Variants in TRIQK observed in about 807,000 individuals in gnomAD.
TRIQK encodes triple QxxK/R motif-containing protein.
In TRIQK, 10 loss-of-function variants were observed where a neutral mutation model predicts 10.8. That is an observed-to-expected ratio of 0.92 (90% CI 0.57 to 1.57). The LOEUF (loss-of-function observed/expected upper bound fraction) is 1.57, where lower values mean the gene tolerates loss of function less well. Among genes scored for constraint, TRIQK ranks in the 40% most tolerant of loss-of-function variants. The pLI is 0.00. For synonymous variants in TRIQK, 33 were observed against 33.7 expected, an observed-to-expected ratio of 0.98 and a Z score of 0.07; for missense variants, 107 against 97.7, an observed-to-expected ratio of 1.09 and a Z score of -0.40.
chr8:92,926,475 GAT>G (rs1295773783), intron 2 of TRIQK: 1 of 152,104 alleles, frequency 6.6e-6, no homozygotes, highest in African/African-American at 2.4e-5. Context: ...TTGAGGAAGA[GAT>G]TTTTTTTGTT....
chr8:92,921,798 C>T (rs1248524156), intron 2 of TRIQK: 1 of 151,784 alleles, frequency 6.6e-6, no homozygotes, highest in African/African-American at 2.4e-5. Flanking sequence ...AATTATCAAA[C>T]TGTAATTTTT....
At chr8:92,892,906 A>C (rs1359669800) in intron 3 of TRIQK, among the ~76,000 whole-genome samples, 1 of 151,996 alleles carries the variant, frequency 6.6e-6, no homozygotes, top group Non-Finnish European at 1.5e-5. Context: ...GCCAACTCTT[A>C]ACTAGGAACT....
intron 1 of TRIQK, among the ~76,000 whole-genome samples, chr8:92,984,023 AT>A (rs1231715454): frequency 6.6e-6 from 1 of 152,038 alleles, no homozygotes; most frequent in African/African-American, 2.4e-5. Context: ...AAAAATATCT[AT>A]TTGTCTAAAT....
chr8:92,964,326 C>T lies in TRIQK; in HGVS notation c.-181+1681G>A, dbSNP rs137972427. ...TGAACAAAAACAGGGTCCATTTAGGCTTAAAATTGTGCATTTTTCTGAGGA... is the reference window on the plus strand; with the variant it reads ...TGAACAAAAACAGGGTCCATTTAGGTTTAAAATTGTGCATTTTTCTGAGGA... On this transcript the variant is annotated intron_variant, in intron 1 of 4. Coordinates refer to ENST00000521988, the MANE Select transcript of TRIQK (RefSeq NM_001171797.2). Among the ~76,000 whole-genome samples, 245 of 152,066 alleles carry T rather than the reference C, an allele frequency of 1.6e-3. 3 individuals are homozygous for T. Among genetic ancestry groups the T allele is most frequent in the African/African-American group, 5.6e-3 (231 of 41,466 alleles).
chr8:92,942,883 C>A (rs910578580), intron 2 of TRIQK, among the ~76,000 whole-genome samples: 3 of 151,970 alleles, frequency 2.0e-5, no homozygotes, highest in African/African-American at 7.3e-5. Context: ...TTAGTAAAGA[C>A]AGAGTTTCGC....
At chr8:93,000,265 G>A (rs1813195420) in intron 1 of TRIQK, among the ~76,000 whole-genome samples, 1 of 152,144 alleles carries the variant, frequency 6.6e-6, no homozygotes, top group Non-Finnish European at 1.5e-5. Flanking sequence ...TTATACTGCT[G>A]TGAAGAAGTA....
intron 2 of TRIQK, among the ~76,000 whole-genome samples, chr8:92,936,485 G>A (rs1284754337): frequency 3.3e-5 from 5 of 151,576 alleles, no homozygotes; most frequent in Admixed American, 3.3e-4. Flanking sequence ...AGGCAGGAAG[G>A]AGAAAGCAAG....
chr8:93,008,111 G>A (rs559952158), intron 1 of TRIQK, among the ~76,000 whole-genome samples: 1 of 152,254 alleles, frequency 6.6e-6, no homozygotes, highest in African/African-American at 2.4e-5. Context: ...ACATAGGAAA[G>A]AGAAGAACAG....
chr8:92,906,075 T>G (rs1809242235), intron 3 of TRIQK, among the ~76,000 whole-genome samples: 1 of 152,210 alleles, frequency 6.6e-6, no homozygotes, highest in Admixed American at 6.5e-5. Context: ...ATTATAGCTA[T>G]CATTGAAGAT....
intron 2 of TRIQK, among the ~76,000 whole-genome samples, chr8:92,947,955 T>G (rs1811642345): frequency 6.6e-6 from 1 of 152,196 alleles, no homozygotes; most frequent in South Asian, 2.1e-4. Flanking sequence ...TGAATTACAA[T>G]GATAGGATTC....
intron 1 of TRIQK, among the ~76,000 whole-genome samples, chr8:92,988,000 C>CTTTTTTTTTTTTT (rs549776227): frequency 1.7e-5 from 1 of 57,580 alleles, no homozygotes; most frequent in Non-Finnish European, 3.0e-5. Context: ...TTTATACTTT[C>CTTTTTTTTTTTTT]TTTTTTTTTT....
At chr8:92,909,521 T>C (rs1809459095) in intron 3 of TRIQK, among the ~76,000 whole-genome samples, 1 of 151,852 alleles carries the variant, frequency 6.6e-6, no homozygotes, top group Admixed American at 6.6e-5. Context: ...AATTTTGTTA[T>C]AGAAACAATT....
rs143243145 is a variant in TRIQK at position 92,888,211 on chromosome 8, G to A, written c.148-1476C>T. On this transcript the variant is annotated intron_variant, in intron 4 of 4. Coordinates refer to ENST00000521988, the MANE Select transcript of TRIQK (RefSeq NM_001171797.2). ...AACTGTTCAACAGCAGTCCCCATTC[G>A]CCCAAGCTTAATGCAAGAATTAAGT... Among the ~76,000 whole-genome samples, 994 of 151,684 alleles carry A rather than the reference G, an allele frequency of 6.6e-3. 42 individuals are homozygous for A. Among genetic ancestry groups the A allele is most frequent in the Admixed American group, 0.051 (770 of 15,166 alleles).
chr8:92,890,993 CT>C lies in TRIQK; in HGVS notation c.147+995del, dbSNP rs1247033436. ...CTCTTTTAAACAAAAAGGCAATTTA[CT>C]TTTTTTTCAATAAAAACTGACACAC... On this transcript the variant is annotated intron_variant, in intron 4 of 4. Transcript: ENST00000521988. 3.3e-5 allele frequency among the ~76,000 whole-genome samples: 5 copies of C among 151,750 alleles called. No individual in the cohort carries two copies. In the East Asian group the frequency reaches 5.8e-4, roughly 18 times the overall value.
chr8:92,991,390 T>A (rs1462902547), intron 1 of TRIQK, among the ~76,000 whole-genome samples: 27 of 152,316 alleles, frequency 1.8e-4, no homozygotes, highest in Non-Finnish European at 5.9e-5. Context: ...CCCAGTACAG[T>A]GCTTGAGCTC....
Position 92,901,624 on chromosome 8 carries a change from A to G in TRIQK, c.62-9550T>C, listed in dbSNP as rs564331747. ...CTTGCTCATGATGAATAATATTTTA[A>G]TGTGTTGTTGGACTTTGGTTTACCA... is the stretch of plus-strand genomic sequence containing the variant. On this transcript the variant is annotated intron_variant, in intron 3 of 4. Transcript: ENST00000521988. Among the ~76,000 whole-genome samples the G allele has an allele frequency of 1.5e-3, 223 of 152,016 alleles. 1 individual carries two copies. Among genetic ancestry groups the G allele is most frequent in the African/African-American group, 5.2e-3 (214 of 41,452 alleles).
intron 1 of TRIQK, among the ~76,000 whole-genome samples, chr8:92,959,026 A>G (rs767513688): frequency 5.3e-5 from 8 of 152,154 alleles, no homozygotes; most frequent in African/African-American, 1.7e-4. Context: ...TGAATTTTAC[A>G]TAATTTCCAC....
chr8:92,998,322 A>C (rs1355483625), intron 1 of TRIQK, among the ~76,000 whole-genome samples: 8 of 152,052 alleles, frequency 5.3e-5, no homozygotes, highest in Non-Finnish European at 1.0e-4. Context: ...TATAATAAAA[A>C]AGAGAGAAAT....
intron 1 of TRIQK, chr8:92,973,595 A>G (rs1414671929): frequency 6.6e-6 from 1 of 152,188 alleles, no homozygotes; most frequent in East Asian, 1.9e-4. Context: ...CTATTAAAAG[A>G]TATACAAAGG....
Sources: allele counts gnomAD v4.1 joint callset (sites outside exome capture counted in the v4.1 genomes callset), GRCh38; gene constraint gnomAD v4.1.1; transcripts MANE v1.5; gene names NCBI Gene and HGNC (gene_info 2026-07-23, HGNC 2026-07-21).